The following APC2 variants were observed in gnomAD, a reference collection of about 807,000 sequenced individuals.
APC2 encodes the protein APC regulator of Wnt signaling pathway 2, also known as adenomatous polyposis coli protein 2.
APC2 carries 41 observed loss-of-function variants against 72.5 expected under a neutral mutation model. The ratio of observed to expected loss-of-function variants is 0.57; its 90% CI spans 0.44 to 0.73. The LOEUF is 0.73. Among genes scored for constraint, APC2 ranks in the 30% least tolerant of loss-of-function variants. The pLI is 0.00. For missense variants in APC2, 3,729 were observed against 3,403.4 expected, an observed-to-expected ratio of 1.10 and a Z score of -2.38; for synonymous variants, 1,898 against 1,612.0, an observed-to-expected ratio of 1.18 and a Z score of -4.25.
intron 6 of APC2, 53 bp from the exon 7 acceptor site, chr19:1,456,023 A>T: frequency 1.4e-6 from 2 of 1,473,912 alleles, no homozygotes; most frequent in Non-Finnish European, 1.8e-6. Context: ...AGGCGGGGTC[A>T]GAGCCGGGGG....
Position 1,466,549 on chromosome 19 carries a change from G to A in APC2, c.3248G>A (p.Gly1083Asp), listed in dbSNP as rs1165637936. ...TCGCTGTCCTCGGCCGGCCGCCCAGGCCCCAGCGAGGGTGGTGACCTGGAT... is the reference window on the plus strand; with the variant it reads ...TCGCTGTCCTCGGCCGGCCGCCCAGACCCCAGCGAGGGTGGTGACCTGGAT... ...LSSLSSAGRPGPSEGGDLDDS... is the reference protein window; with the variant it reads ...LSSLSSAGRPDPSEGGDLDDS... Residue 1083 changes from glycine (G) to aspartate (D), a missense_variant, in exon 15 of 15, where the codon GGC (glycine) becomes GAC (aspartate). Transcript: ENST00000590469. 6.3e-7 allele frequency: 1 copy of A among 1,583,258 alleles called. No individual in the cohort carries two copies.
Position 1,468,762 on chromosome 19 carries a change from C to T in APC2, c.5461C>T (p.Pro1821Ser), listed in dbSNP as rs969418309. Residue 1821 changes from proline to serine, a missense_variant, in exon 15 of 15, where the codon CCT (proline) becomes TCT (serine). Coordinates refer to ENST00000590469, the MANE Select transcript of APC2 (RefSeq NM_005883.3). ...PRATPRKVAPPCLAQPAAPAK... is the reference protein window; with the variant it reads ...PRATPRKVAPSCLAQPAAPAK... ...CGCCACACCGCGGAAGGTGGCGCCC[C>T]CTTGCCTGGCACAGCCCGCGGCTCC... 2.0e-6 allele frequency: 3 copies of T among 1,503,498 alleles called. No individual in the cohort carries two copies. In the African/African-American group the frequency reaches 4.2e-5, roughly 21 times the overall value. 93.1% of individuals were successfully genotyped at this position (1,503,498 alleles called of 1,614,324 possible). A position where few individuals can be genotyped will look rare whatever the true frequency, so the allele number is the denominator to read the frequency against.
In APC2 at chr19:1,462,070, G is replaced by A; in HGVS notation, c.1746G>A (p.Val582=). Residue 582 remains valine, a synonymous_variant, in exon 14 of 15, where the codon GTG becomes GTA. Transcript: ENST00000590469. ...CQVDGALGFL[V]STLTYKCQSN... is the part of the protein sequence containing the mutation. Reference sequence around the variant, plus strand: ...TGGATGGCGCCCTGGGCTTCCTGGTGAGCACCCTGACCTACAAGTGTCAGA... The same window carrying A: ...TGGATGGCGCCCTGGGCTTCCTGGTAAGCACCCTGACCTACAAGTGTCAGA... The A allele has an allele frequency of 6.2e-7, 1 of 1,613,082 alleles. No homozygotes were observed.
chr19:1,456,122 C>T lies in APC2; in HGVS notation c.686C>T (p.Ala229Val), dbSNP rs1159747437. Residue 229 changes from alanine to valine, a missense_variant, in exon 7 of 15, where the codon GCG becomes GTG. Physicochemically the swap from Ala to Val is moderately conservative, Grantham distance 64. Coordinates refer to ENST00000590469, the MANE Select transcript of APC2 (RefSeq NM_005883.3). ...CAGATTGACAAGGAGCTGCTGGAGG[C>T]GCAGGACCGAGTGCAGCAGACGGAG... ...LEQIDKELLEAQDRVQQTEPQ... is the reference protein window; with the variant it reads ...LEQIDKELLEVQDRVQQTEPQ... 10 of 1,592,050 alleles carry T rather than the reference C, an allele frequency of 6.3e-6. No homozygotes were observed. The highest frequency in any genetic ancestry group is 8.5e-6 in the Non-Finnish European group (10 of 1,171,784).
At chr19:1,457,896 G>GGGGGGGGGGC in intron 9 of APC2, 69 bp from the exon 10 acceptor site, 1 of 1,319,328 alleles carries the variant, frequency 7.6e-7, no homozygotes, top group Non-Finnish European at 9.8e-7. Flanking sequence ...GGCGGGTTGC[G>GGGGGGGGGGC]GGACCTTCGG....
Position 1,470,474 on chromosome 19 carries a change from C to A in APC2, c.*261C>A. 1 of 497,208 alleles carries A rather than the reference C, an allele frequency of 2.0e-6. No individual in the cohort carries two copies. 30.8% of individuals were successfully genotyped at this position (497,208 alleles called of 1,614,324 possible). ...CCCGACCGTGGAGCGCTGGCAAGGG[C>A]GTCCTGGCCCAGCCCTGAGCGCGCG... is the stretch of plus-strand genomic sequence containing the variant. On this transcript the variant is annotated 3_prime_UTR_variant, in exon 15 of 15. Transcript: ENST00000590469.
At position 1,468,524 on chromosome 19, in the gene APC2, G is replaced by C; in HGVS notation, c.5223G>C (p.Ala1741=). 6.2e-7 allele frequency: 1 copy of C among 1,602,710 alleles called. No individual in the cohort carries two copies. Residue 1741 remains alanine (A), a synonymous_variant, in exon 15 of 15, where the codon GCG becomes GCC. Coordinates refer to ENST00000590469, the MANE Select transcript of APC2 (RefSeq NM_005883.3). Reference sequence around the variant, plus strand: ...CCAAGCACAGGAAGGGACGACAGGCGGAGGGAGAAATGGGCAGTGCCCGGC... The same window carrying C: ...CCAAGCACAGGAAGGGACGACAGGCCGAGGGAGAAATGGGCAGTGCCCGGC... ...QPPKHRKGRQ[A]EGEMGSARRP...
In APC2 at chr19:1,469,441, G is replaced by A. The variant is rs1231086406; in HGVS notation, c.6140G>A (p.Arg2047Gln). The A allele has an allele frequency of 4.3e-5, 50 of 1,165,446 alleles. No individual in the cohort carries two copies. The highest frequency in any genetic ancestry group is 5.0e-5 in the Non-Finnish European group (47 of 948,096). The allele number at this position is 1,165,446 out of a possible 1,614,324, so 72.2% of individuals were successfully genotyped here. The change falls in exon 15 of 15, where the codon CGA becomes CAA. Residue 2047 changes from arginine to glutamine, a missense_variant. By Grantham distance (43) the Arg-to-Gln change is conservative (BLOSUM62 1). Coordinates refer to ENST00000590469, the MANE Select transcript of APC2 (RefSeq NM_005883.3). Reference protein sequence around the residue: ...FLCSSRCEELRAAPRQGPAPA... With the variant: ...FLCSSRCEELQAAPRQGPAPA... ...TGCTCCTCGCGCTGCGAAGAGCTCCGAGCGGCACCCCGGCAGGGCCCGGCC... is the reference window on the plus strand; with the variant it reads ...TGCTCCTCGCGCTGCGAAGAGCTCCAAGCGGCACCCCGGCAGGGCCCGGCC...
rs776596182 is a variant in APC2 at position 1,460,785 on chromosome 19, C to G, written c.1449C>G (p.Thr483=). 7 of 1,613,016 alleles carry G rather than the reference C, an allele frequency of 4.3e-6. No individual in the cohort carries two copies. Among genetic ancestry groups the G allele is most frequent in the East Asian group, 2.2e-5 (1 of 44,870 alleles). The part of the protein sequence containing the change: ...LTFGDVANKA[T]LCARRGCMEA... ...GGCTGCATAACCCCCAACAGGCCAC[C>G]CTGTGTGCGCGCCGCGGCTGCATGG... Residue 483 remains threonine (T), a synonymous_variant, in exon 12 of 15, where the codon ACC becomes ACG. Coordinates refer to ENST00000590469, the MANE Select transcript of APC2 (RefSeq NM_005883.3).
intron 10 of APC2, 122 bp downstream of exon 10, chr19:1,458,182 A>T: frequency 1.2e-6 from 1 of 867,154 alleles, no homozygotes; most frequent in Non-Finnish European, 1.8e-6. Flanking sequence ...GAGCCCGGAG[A>T]GGGACAGACT....
chr19:1,461,591 G>T, intron 13 of APC2: 1 of 315,716 alleles, frequency 3.2e-6, no homozygotes, highest in East Asian at 7.0e-5. Flanking sequence ...GGTGGCTCTT[G>T]CCTGTAATCC....
chr19:1,469,936 G>A lies in APC2; in HGVS notation c.6635G>A (p.Arg2212Lys). 1.3e-6 allele frequency: 2 copies of A among 1,515,584 alleles called. No individual in the cohort carries two copies. The highest frequency in any genetic ancestry group is 1.8e-6 in the Non-Finnish European group (2 of 1,138,182). 93.9% of individuals were successfully genotyped at this position (1,515,584 alleles called of 1,614,324 possible). Residue 2212 changes from arginine (R) to lysine (K), a missense_variant, in exon 15 of 15, where the codon AGG becomes AAG. By Grantham distance (26) the Arg-to-Lys change is conservative. Transcript: ENST00000590469. The stretch of plus-strand genomic sequence containing the variant: ...AGCACGTCCCCGAGCCTGGAGACCA[G>A]GGAGCCCCCCGGGGCCCCCGCCGGC... ...NSSTSPSLET[R>K]EPPGAPAGGQ...
In APC2 at chr19:1,469,535, C is replaced by A; in HGVS notation, c.6234C>A (p.Ser2078=). 2.5e-6 allele frequency: 3 copies of A among 1,200,694 alleles called. No individual in the cohort carries two copies. Among genetic ancestry groups the A allele is most frequent in the Admixed American group, 3.4e-5 (1 of 29,478 alleles). The allele number at this position is 1,200,694 out of a possible 1,614,324, so 74.4% of individuals were successfully genotyped here. A position where few individuals can be genotyped will look rare whatever the true frequency, so the allele number is the denominator to read the frequency against. The change falls in exon 15 of 15, where the codon TCC becomes TCA. Residue 2078 remains serine (S), a synonymous_variant. Transcript: ENST00000590469. The stretch of plus-strand genomic sequence containing the variant: ...AGCGCCCTGCCCGGCGCACCACCTC[C>A]GAGAGCCCGTCCCGCCTGCCTGTGC... ...PGERPARRTT[S]ESPSRLPVRA...
Position 1,455,479 on chromosome 19 carries a change from C to G in APC2, c.618C>G (p.Asp206Glu), listed in dbSNP as rs764839509. The change falls in exon 6 of 15, where the codon GAC becomes GAG. Residue 206 changes from aspartate to glutamate, a missense_variant. Physicochemically the swap from Asp to Glu is conservative, Grantham distance 45. Transcript: ENST00000590469. The stretch of plus-strand genomic sequence containing the variant: ...TGGAGGAGCGCTTCGGCACCTCGGA[C>G]GAGATGGTGCAGCGGGCACAGGTGC... ...SLMEERFGTSDEMVQRAQIRA... is the reference protein window; with the variant it reads ...SLMEERFGTSEEMVQRAQIRA... 6.2e-7 allele frequency: 1 copy of G among 1,602,878 alleles called. No individual in the cohort carries two copies. The highest frequency in any genetic ancestry group is 1.1e-5 in the South Asian group (1 of 89,462).
upstream of APC2, chr19:1,446,310 G>C: frequency 1.0e-6 from 1 of 984,858 alleles, no homozygotes; most frequent in Non-Finnish European, 1.2e-6. This position sits in a 1 kb window ranked among gnomAD's most constrained non-coding sequence, Gnocchi z 6.1. Flanking sequence ...GGGCTCCTGA[G>C]CCTGCTGCAC....
Position 1,469,337 on chromosome 19 carries a change from C to T in APC2, c.6036C>T (p.Ser2012=). Residue 2012 remains serine (S), a synonymous_variant, in exon 15 of 15, where the codon TCC becomes TCT. Coordinates refer to ENST00000590469, the MANE Select transcript of APC2 (RefSeq NM_005883.3). ...PGLRRRRSEL[S]SAESAASAPQ... is the part of the protein sequence containing the mutation. The stretch of plus-strand genomic sequence containing the variant: ...TGCGGCGCCGCCGCTCCGAGCTGTC[C>T]TCGGCCGAGTCCGCGGCCTCTGCCC... The T allele has an allele frequency of 7.3e-7, 1 of 1,370,274 alleles. No homozygotes were observed. The highest frequency in any genetic ancestry group is 9.5e-7 in the Non-Finnish European group (1 of 1,055,116). 84.9% of individuals were successfully genotyped at this position (1,370,274 alleles called of 1,614,324 possible).
chr19:1,458,317 T>TG, intron 10 of APC2: 1 of 543,774 alleles, frequency 1.8e-6, no homozygotes, highest in South Asian at 2.2e-5. Flanking sequence ...CTAAGTTCCC[T>TG]GGGGCTCAGA....
rs777434725 is a variant in APC2, at chr19:1,457,020, C to T, written c.984C>T (p.Ala328=). 9 of 1,527,568 alleles carry T rather than the reference C, an allele frequency of 5.9e-6. No homozygotes were observed. The highest frequency in any genetic ancestry group is 2.5e-5 in the East Asian group (1 of 39,638). 94.6% of individuals were successfully genotyped at this position (1,527,568 alleles called of 1,614,324 possible). ...LQILHGTEAA[A]GGRAGAPGAP... Reference sequence around the variant, plus strand: ...TCCTCCACGGCACCGAGGCCGCGGCCGGGGGTCGCGCCGGGGCCCCAGGGG... The same window carrying T: ...TCCTCCACGGCACCGAGGCCGCGGCTGGGGGTCGCGCCGGGGCCCCAGGGG... Residue 328 remains alanine, a synonymous_variant, in exon 9 of 15, where the codon GCC becomes GCT. Coordinates refer to ENST00000590469, the MANE Select transcript of APC2 (RefSeq NM_005883.3).
In APC2 at chr19:1,452,885, G is replaced by C; in HGVS notation, c.-18-99G>C. Reference sequence around the variant, plus strand: ...GAGACCCCCCCCAACCCAGGATCAGGCAGGACGGCTGGGGCTTAGGTCAGG... The same window carrying C: ...GAGACCCCCCCCAACCCAGGATCAGCCAGGACGGCTGGGGCTTAGGTCAGG... On this transcript the variant is annotated intron_variant, in intron 1 of 14. Coordinates refer to ENST00000590469, the MANE Select transcript of APC2 (RefSeq NM_005883.3). The surrounding 1 kb of genome is among the most constrained non-coding windows in gnomAD (Gnocchi z 5.1). 7.1e-7 allele frequency: 1 copy of C among 1,408,414 alleles called. No individual in the cohort carries two copies. Among genetic ancestry groups the C allele is most frequent in the Non-Finnish European group, 9.5e-7 (1 of 1,050,388 alleles). The allele number at this position is 1,408,414 out of a possible 1,614,324, so 87.2% of individuals were successfully genotyped here. A position where few individuals can be genotyped will look rare whatever the true frequency, so the allele number is the denominator to read the frequency against.
Sources: allele counts gnomAD v4.1 joint callset, GRCh38; gene constraint gnomAD v4.1.1; non-coding constraint Gnocchi (gnomAD v3.1); transcripts MANE v1.5; gene names NCBI Gene and HGNC (gene_info 2026-07-23, HGNC 2026-07-21).